Variants in SYNJ1 observed in about 807,000 individuals in gnomAD.
SYNJ1 encodes the protein synaptojanin 1, also known as polyphosphatidylinositol phosphatase SYNJ1.
Under a neutral mutation model 168.2 loss-of-function variants are expected in SYNJ1, and 78 were observed. That is an observed-to-expected ratio of 0.46 (90% CI 0.39 to 0.56). SYNJ1 has a LOEUF of 0.56. SYNJ1 is among the 20% of genes least tolerant of loss of function. SYNJ1 has a pLI of 0.00. For synonymous variants in SYNJ1, 539 were observed against 548.6 expected (o/e 0.98, Z 0.24); for missense variants, 1,303 against 1,597.6 (o/e 0.82, Z 3.14).
At chr21:32,662,960 G>A (rs556331383) in intron 18 of SYNJ1, among the ~76,000 whole-genome samples, 9 of 152,274 alleles carry the variant, frequency 5.9e-5, no homozygotes, top group South Asian at 4.1e-4. Context: ...ATCTTAGTTC[G>A]AGGAGAAGTT....
At chr21:32,696,488 C>T (rs1474567038) in intron 4 of SYNJ1, among the ~76,000 whole-genome samples, 1 of 152,170 alleles carries the variant, frequency 6.6e-6, no homozygotes, top group Non-Finnish European at 1.5e-5. Context: ...AACCTTAGAC[C>T]TCCACAGAAC....
intron 6 of SYNJ1, among the ~76,000 whole-genome samples, chr21:32,692,554 C>T (rs1160421327): frequency 2.0e-5 from 3 of 151,704 alleles, no homozygotes; most frequent in Non-Finnish European, 4.4e-5. Flanking sequence ...CCAGCCTGGG[C>T]GACAGAGCAT....
In SYNJ1 at chr21:32,656,918, AAGAT is replaced by A. The variant is rs771129764; in HGVS notation, c.2580-20_2580-17del. 1.9e-6 allele frequency: 3 copies of A among 1,612,192 alleles called. 1 individual carries two copies. In the South Asian group the frequency reaches 3.3e-5, roughly 18 times the overall value. On this transcript the variant is annotated splice_polypyrimidine_tract_variant and intron_variant, in intron 20 of 32. Coordinates refer to ENST00000674351, the MANE Select transcript of SYNJ1 (RefSeq NM_203446.3). Reference sequence around the variant, plus strand: ...AACGACAGGCCTTAAGGCATAAAGGAAGATAGATGTATTAGAAATGTTTTTAAAA... The same window carrying A: ...AACGACAGGCCTTAAGGCATAAAGGAAGATGTATTAGAAATGTTTTTAAAA...
chr21:32,680,575 T>C (rs1043827442), intron 11 of SYNJ1, among the ~76,000 whole-genome samples: 8 of 151,550 alleles, frequency 5.3e-5, no homozygotes, highest in Non-Finnish European at 1.2e-4. Context: ...TACCAGGAAA[T>C]AAAAAGTAAT....
At chr21:32,683,736 T>C (rs557159226) in intron 10 of SYNJ1, among the ~76,000 whole-genome samples, 2 of 152,092 alleles carry the variant, frequency 1.3e-5, no homozygotes, top group South Asian at 4.1e-4. Flanking sequence ...CCCACACATA[T>C]ATATTTCCTC....
chr21:32,694,074 T>A (rs1350644321), intron 6 of SYNJ1, among the ~76,000 whole-genome samples, 154 bp downstream of exon 6: 1 of 152,156 alleles, frequency 6.6e-6, no homozygotes, highest in Non-Finnish European at 1.5e-5. Context: ...TTCCAGAAAC[T>A]CTGTACTCGT....
chr21:32,666,032 CG>C lies in SYNJ1; in HGVS notation c.2055del (p.Phe685LeufsTer21). On this transcript the variant is annotated frameshift_variant, in exon 17 of 33. Transcript: ENST00000674351. LOFTEE classifies it high-confidence loss of function. ...RMLFHTTSLCFVCSHFAAGQS... is the reference protein window; with the variant it reads ...RMLFHTTSLCXVCSHFAAGQS... ...TGCCCTGCAGCAAAGTGGCTACAGA[CG>C]AAGCAAAGGCTGGTTGTATGGAAGA... 6.2e-7 allele frequency: 1 copy of C among 1,614,074 alleles called. No homozygotes were observed.
intron 6 of SYNJ1, 57 bp from the exon 7 acceptor site, chr21:32,688,424 A>ATATCAC (rs1214652912): frequency 3.3e-5 from 47 of 1,411,176 alleles, no homozygotes; most frequent in Non-Finnish European, 4.4e-5. Context: ...GACGAAAGAA[A>ATATCAC]TATCACTGCT....
intron 18 of SYNJ1, among the ~76,000 whole-genome samples, chr21:32,661,605 G>A (rs190552791): frequency 2.4e-3 from 362 of 152,298 alleles, no homozygotes; most frequent in Non-Finnish European, 2.6e-3. Context: ...GAATCACTTG[G>A]AAACTACATG....
chr21:32,650,410 A>G, intron 22 of SYNJ1, 64 bp from the exon 23 acceptor site: 1 of 1,471,340 alleles, frequency 6.8e-7, no homozygotes, highest in Non-Finnish European at 9.2e-7. Flanking sequence ...TGGAATAAAG[A>G]GGCTGACTTC....
At position 32,657,014 on chromosome 21, in the gene SYNJ1, A is replaced by C; in HGVS notation, c.2568T>G (p.Thr856=). The part of the protein sequence containing the change: ...LLHYGRAELK[T]SDHRPVVALI... Reference sequence around the variant, plus strand: ...GAGACTGCTTAAACCTGTGGTCAGAAGTCTTCAGCTCAGCTCTTCCATAGT... The same window carrying C: ...GAGACTGCTTAAACCTGTGGTCAGACGTCTTCAGCTCAGCTCTTCCATAGT... The change falls in exon 20 of 33, where the codon ACT becomes ACG. Residue 856 remains threonine (T), a synonymous_variant. Coordinates refer to ENST00000674351, the MANE Select transcript of SYNJ1 (RefSeq NM_203446.3). 6.2e-7 allele frequency: 1 copy of C among 1,614,136 alleles called. No individual in the cohort carries two copies. The highest frequency in any genetic ancestry group is 8.5e-7 in the Non-Finnish European group (1 of 1,179,998).
chr21:32,708,172 T>C (rs2042684372), intron 2 of SYNJ1, among the ~76,000 whole-genome samples: 1 of 152,202 alleles, frequency 6.6e-6, no homozygotes, highest in Admixed American at 6.5e-5. Context: ...AATATAGGCA[T>C]TGTTAAATGG....
intron 2 of SYNJ1, among the ~76,000 whole-genome samples, chr21:32,720,187 C>T (rs796561746): frequency 6.6e-5 from 10 of 152,188 alleles, no homozygotes; most frequent in African/African-American, 1.9e-4. Context: ...TGCAGTGAGC[C>T]GAGATCGCAC....
At chr21:32,712,133 C>T (rs955521041) in intron 2 of SYNJ1, among the ~76,000 whole-genome samples, 1 of 152,178 alleles carries the variant, frequency 6.6e-6, no homozygotes, top group Admixed American at 6.5e-5. Flanking sequence ...ATACAGAAGA[C>T]TAAGCTAAAG....
At chr21:32,666,717 G>T in intron 15 of SYNJ1, 144 bp from the exon 16 acceptor site, 1 of 759,314 alleles carries the variant, frequency 1.3e-6, no homozygotes, top group Non-Finnish European at 1.8e-6. Context: ...CCTTTAAAAA[G>T]GAAAATCTAC....
chr21:32,645,422 G>A (rs946412128), intron 25 of SYNJ1, among the ~76,000 whole-genome samples: 1 of 152,164 alleles, frequency 6.6e-6, no homozygotes, highest in Non-Finnish European at 1.5e-5. Flanking sequence ...CTGGTGAGAA[G>A]GCAGCTAAAG....
chr21:32,699,815 C>T, intron 4 of SYNJ1, 23 bp downstream of exon 4: 1 of 1,598,370 alleles, frequency 6.3e-7, no homozygotes. Flanking sequence ...CCCAAATCAC[C>T]AAAAGGGAAA....
intron 32 of SYNJ1, among the ~76,000 whole-genome samples, chr21:32,632,479 G>A (rs576588880): frequency 2.9e-4 from 43 of 150,352 alleles, no homozygotes; most frequent in South Asian, 8.8e-4. Context: ...TCCACCTCCC[G>A]GGTTCAAGTG....
intron 2 of SYNJ1, among the ~76,000 whole-genome samples, chr21:32,716,201 C>T (rs1290072826): frequency 6.6e-6 from 1 of 152,334 alleles, no homozygotes; most frequent in African/African-American, 2.4e-5. Flanking sequence ...AACAATTGCA[C>T]TAGCCCATTC....
Sources: gnomAD v4.1 joint callset for allele counts (sites outside exome capture counted in the v4.1 genomes callset) on GRCh38, gnomAD v4.1.1 for gene constraint, MANE v1.5 for transcripts, NCBI Gene and HGNC (gene_info 2026-07-23, HGNC 2026-07-21) for gene names.